Variants in NEK6 observed in about 807,000 individuals in gnomAD.
NEK6 encodes NIMA related kinase 6, also known as serine/threonine-protein kinase Nek6.
In NEK6, 27 loss-of-function variants were observed where a neutral mutation model predicts 43.5. The observed-to-expected ratio is 0.62, with a 90% confidence interval of 0.46 to 0.86. NEK6 has a LOEUF of 0.86. Ranked by LOEUF, NEK6 falls within the 40% of genes least tolerant of loss-of-function variation. The pLI is 0.00. For missense variants in NEK6, 318 were observed against 414.4 expected (o/e 0.77, Z 2.02); for synonymous variants, 167 against 164.1 (o/e 1.02, Z -0.14).
At chr9:124,292,159 G>T (rs145456292) in intron 1 of NEK6, 907 of 1,237,154 alleles carry the variant, frequency 7.3e-4, no homozygotes, top group Non-Finnish European at 8.8e-4. Context: ...CGAGGGATGG[G>T]GAACCAGGCC....
chr9:124,337,879 G>A (rs1260437567), intron 7 of NEK6, among the ~76,000 whole-genome samples: 1 of 152,222 alleles, frequency 6.6e-6, no homozygotes, highest in East Asian at 1.9e-4. Flanking sequence ...GACATTCCAG[G>A]TGCTCCACAC....
intron 1 of NEK6, among the ~76,000 whole-genome samples, chr9:124,282,787 T>G (rs912913500): frequency 2.6e-5 from 4 of 152,260 alleles, no homozygotes; most frequent in African/African-American, 7.2e-5. Flanking sequence ...AAAACAGGCT[T>G]GCAGCGTTTG....
chr9:124,307,141 A>G (rs561711220), intron 2 of NEK6, among the ~76,000 whole-genome samples: 6 of 151,348 alleles, frequency 4.0e-5, no homozygotes, highest in Admixed American at 3.9e-4. Flanking sequence ...AAAAAAAAAA[A>G]GATTCGTCTA....
chr9:124,330,062 TC>T (rs1285340625), intron 7 of NEK6, among the ~76,000 whole-genome samples: 3 of 151,034 alleles, frequency 2.0e-5, no homozygotes, highest in Non-Finnish European at 4.4e-5. Flanking sequence ...TCCTCCCACT[TC>T]CCCCCTCCCT....
chr9:124,285,139 G>A (rs527906910), intron 1 of NEK6, among the ~76,000 whole-genome samples: 4 of 152,312 alleles, frequency 2.6e-5, no homozygotes, highest in South Asian at 2.1e-4. Context: ...GGTCAGAACC[G>A]TATTCCCTCA....
intron 1 of NEK6, among the ~76,000 whole-genome samples, chr9:124,296,476 A>G (rs1367528434): frequency 1.3e-5 from 2 of 152,064 alleles, no homozygotes; most frequent in South Asian, 2.1e-4. Flanking sequence ...TGCCACGTCT[A>G]CCCTCTGCTT....
chr9:124,282,457 G>C (rs1831958014), intron 1 of NEK6, among the ~76,000 whole-genome samples: 1 of 152,242 alleles, frequency 6.6e-6, no homozygotes. Context: ...CTATGCCCCA[G>C]TTCCAGATAG....
At chr9:124,331,946 C>T (rs1184054850) in intron 7 of NEK6, among the ~76,000 whole-genome samples, 2 of 152,252 alleles carry the variant, frequency 1.3e-5, no homozygotes, top group Non-Finnish European at 2.9e-5. Context: ...AGAATCCCTG[C>T]CTCAGCAGAT....
intron 2 of NEK6, among the ~76,000 whole-genome samples, chr9:124,303,524 C>T (rs765099213): frequency 1.6e-4 from 24 of 152,206 alleles, no homozygotes; most frequent in Non-Finnish European, 2.5e-4. Flanking sequence ...CCAAGGAGGG[C>T]GGTGATGCTG....
At chr9:124,304,314 C>A (rs1833147249) in intron 2 of NEK6, among the ~76,000 whole-genome samples, 2 of 152,200 alleles carry the variant, frequency 1.3e-5, no homozygotes, top group Admixed American at 1.3e-4. Context: ...TCCTTGATAG[C>A]AGGAGGCACC....
At chr9:124,284,772 G>T (rs1159048273) in intron 1 of NEK6, among the ~76,000 whole-genome samples, 1 of 152,222 alleles carries the variant, frequency 6.6e-6, no homozygotes, top group Non-Finnish European at 1.5e-5. Flanking sequence ...TTGCATGTCT[G>T]GTGGGAGCTT....
chr9:124,279,899 C>T (rs1438217241), intron 1 of NEK6, among the ~76,000 whole-genome samples: 2 of 152,246 alleles, frequency 1.3e-5, no homozygotes, highest in African/African-American at 4.8e-5. Flanking sequence ...CTCTCTTGTC[C>T]ACTCCTGTGT....
intron 1 of NEK6, among the ~76,000 whole-genome samples, chr9:124,267,956 G>A (rs1013391057): frequency 6.6e-6 from 1 of 152,322 alleles, no homozygotes; most frequent in South Asian, 2.1e-4. Flanking sequence ...ACTCCCAAAC[G>A]GGCTGTGATC....
intron 1 of NEK6, among the ~76,000 whole-genome samples, chr9:124,264,254 G>T (rs1180783321): frequency 6.6e-6 from 1 of 152,184 alleles, no homozygotes; most frequent in Non-Finnish European, 1.5e-5. Context: ...CTGCCAGCTC[G>T]TCACACCCTA....
chr9:124,266,791 G>A (rs956638393), intron 1 of NEK6, among the ~76,000 whole-genome samples: 7 of 152,236 alleles, frequency 4.6e-5, no homozygotes, highest in African/African-American at 1.7e-4. Flanking sequence ...TGGAGTGAAC[G>A]AATCTGTTAG....
upstream of NEK6, chr9:124,257,870 G>A (rs1830866150): frequency 9.6e-7 from 1 of 1,041,612 alleles, no homozygotes; most frequent in Non-Finnish European, 1.2e-6. Flanking sequence ...CTTGCGTGGC[G>A]GCAGCGCGCA....
rs75237403 is a variant in NEK6, at chr9:124,330,891, C to T, written c.622+3446C>T. Among the ~76,000 whole-genome samples, 776 of 152,258 alleles carry T rather than the reference C, an allele frequency of 5.1e-3. 7 individuals carry two copies. The highest frequency in any genetic ancestry group is 0.018 in the African/African-American group (758 of 41,548). ...GCTCCACCCCTCCCAGAGCCGCCCTCACTTCGTTACTCTGTAGCCACTGAA... is the reference window on the plus strand; with the variant it reads ...GCTCCACCCCTCCCAGAGCCGCCCTTACTTCGTTACTCTGTAGCCACTGAA... On this transcript the variant is annotated intron_variant, in intron 7 of 9. Transcript: ENST00000320246.
intron 1 of NEK6, among the ~76,000 whole-genome samples, chr9:124,260,200 A>T (rs1277307659): frequency 6.6e-6 from 1 of 151,982 alleles, no homozygotes; most frequent in African/African-American, 2.4e-5. Flanking sequence ...TGCACTTGGG[A>T]TATGGTATTT....
At chr9:124,299,293 C>T (rs746064659) in intron 1 of NEK6, among the ~76,000 whole-genome samples, 1 of 152,202 alleles carries the variant, frequency 6.6e-6, no homozygotes, top group Non-Finnish European at 1.5e-5. Context: ...TGGAGGTCTC[C>T]CTAAGGGCAG....
Sources: gnomAD v4.1 joint callset for allele counts (sites outside exome capture counted in the v4.1 genomes callset) on GRCh38, gnomAD v4.1.1 for gene constraint, MANE v1.5 for transcripts, NCBI Gene and HGNC (gene_info 2026-07-23, HGNC 2026-07-21) for gene names.